The following SCIN variants were observed in gnomAD, a reference collection of about 807,000 sequenced individuals.
The protein encoded by SCIN is adseverin.
Under a neutral mutation model 91.8 loss-of-function variants are expected in SCIN, and 91 were observed. That is an observed-to-expected ratio of 0.99 (90% CI 0.84 to 1.18). SCIN has a LOEUF of 1.18. SCIN is among the 50% of genes most tolerant of loss of function. The probability of loss-of-function intolerance (pLI) is 0.00; values close to 1 mark genes in which losing one functional copy is unlikely to be tolerated. For synonymous variants in SCIN, 367 were observed against 312.6 expected (o/e 1.17, Z -1.84); for missense variants, 1,087 against 863.9 (o/e 1.26, Z -3.24).
intron 3 of SCIN, among the ~76,000 whole-genome samples, chr7:12,598,391 G>A (rs896666939): frequency 2.6e-5 from 4 of 152,086 alleles, no homozygotes; most frequent in African/African-American, 7.2e-5. Flanking sequence ...AATAGAGTAA[G>A]TGTTGGGCCG....
At chr7:12,582,780 T>G (rs1055407341) in intron 3 of SCIN, among the ~76,000 whole-genome samples, 2 of 152,010 alleles carry the variant, frequency 1.3e-5, no homozygotes, top group African/African-American at 4.8e-5. Context: ...AATAAAGAAA[T>G]AAATAACTCG....
intron 2 of SCIN, among the ~76,000 whole-genome samples, chr7:12,580,335 T>A (rs1433115321): frequency 6.6e-6 from 1 of 152,164 alleles, no homozygotes; most frequent in Non-Finnish European, 1.5e-5. Context: ...TATAAGAAGA[T>A]GTAGTTGATA....
chr7:12,633,965 G>GT (rs10707073), intron 9 of SCIN, among the ~76,000 whole-genome samples: 31,575 of 143,062 alleles, frequency 0.22, 3,821 homozygotes, highest in Non-Finnish European at 0.28. Flanking sequence ...TTGTGTGCAT[G>GT]TTTTTTTTTT....
intron 3 of SCIN, among the ~76,000 whole-genome samples, chr7:12,600,891 C>G (rs1274536139): frequency 1.3e-5 from 2 of 152,162 alleles, no homozygotes; most frequent in African/African-American, 4.8e-5. Flanking sequence ...GTTGACTTAT[C>G]ACTGGGAGCC....
chr7:12,592,771 C>T (rs903879066), intron 3 of SCIN, among the ~76,000 whole-genome samples: 3 of 152,080 alleles, frequency 2.0e-5, no homozygotes, highest in South Asian at 2.1e-4. Context: ...GAGATGAGTC[C>T]GTCAACCCCC....
chr7:12,597,293 A>G (rs1043011506), intron 3 of SCIN, among the ~76,000 whole-genome samples: 1 of 152,244 alleles, frequency 6.6e-6, no homozygotes, highest in African/African-American at 2.4e-5. Flanking sequence ...ATATTTGGGT[A>G]ACTAGATCTA....
rs748799177 is a variant in SCIN, at chr7:12,629,101, A to G, written c.1198A>G (p.Ile400Val). ...GTTGTATATATTCCATTCCTTCCAG[A>G]TTTGGCGTGTAGAAAACAATGGTAG... Reference protein sequence around the residue: ...MVDDGSGKVEIWRVENNGRIQ... With the variant: ...MVDDGSGKVEVWRVENNGRIQ... Residue 400 changes from isoleucine (I) to valine (V), a missense_variant and splice_region_variant, in exon 9 of 16, where the codon ATT becomes GTT. Coordinates refer to ENST00000297029, the MANE Select transcript of SCIN (RefSeq NM_001112706.3). 9 of 1,610,574 alleles carry G rather than the reference A, an allele frequency of 5.6e-6. No individual in the cohort carries two copies. The highest frequency in any genetic ancestry group is 6.8e-6 in the Non-Finnish European group (8 of 1,178,230).
chr7:12,616,887 T>G (rs768164262), intron 4 of SCIN, among the ~76,000 whole-genome samples: 1 of 152,138 alleles, frequency 6.6e-6, no homozygotes, highest in Non-Finnish European at 1.5e-5. Flanking sequence ...TCACCTACTC[T>G]TCTGCTGATT....
At chr7:12,612,018 A>G (rs779622917) in intron 4 of SCIN, among the ~76,000 whole-genome samples, 1 of 151,538 alleles carries the variant, frequency 6.6e-6, no homozygotes, top group Non-Finnish European at 1.5e-5. Context: ...TTGCCCTCCT[A>G]TTTTTTTTCA....
chr7:12,594,518 C>T (rs1213944489), intron 3 of SCIN, among the ~76,000 whole-genome samples: 1 of 152,122 alleles, frequency 6.6e-6, no homozygotes, highest in East Asian at 1.9e-4. Flanking sequence ...ATTTTCGGGC[C>T]ATTGGGAGCC....
At chr7:12,617,920 GC>G (rs1397971336) in intron 4 of SCIN, among the ~76,000 whole-genome samples, 5 of 152,090 alleles carry the variant, frequency 3.3e-5, no homozygotes, top group Non-Finnish European at 7.4e-5. Flanking sequence ...CTGGCTTATG[GC>G]TTTTAATGAC....
At chr7:12,637,862 C>G (rs2056617) in intron 10 of SCIN, among the ~76,000 whole-genome samples, 22,793 of 151,872 alleles carry the variant, frequency 0.15, 2,496 homozygotes, top group East Asian at 0.34. Context: ...TATCTAGAGA[C>G]AGATTAAGAT....
intron 3 of SCIN, among the ~76,000 whole-genome samples, chr7:12,602,635 C>T (rs1037435233): frequency 2.6e-5 from 4 of 151,962 alleles, no homozygotes; most frequent in African/African-American, 9.7e-5. Context: ...TATTAATATT[C>T]CTTGCTAGGA....
intron 3 of SCIN, among the ~76,000 whole-genome samples, chr7:12,600,482 C>T (rs1461750890): frequency 6.6e-6 from 1 of 152,020 alleles, no homozygotes; most frequent in Non-Finnish European, 1.5e-5. Context: ...GCCACCTGCT[C>T]CCCAGAAATC....
At chr7:12,623,406 CTA>C (rs1783450017) in intron 5 of SCIN, among the ~76,000 whole-genome samples, 1 of 152,188 alleles carries the variant, frequency 6.6e-6, no homozygotes, top group Admixed American at 6.5e-5. Flanking sequence ...CATATCAGCT[CTA>C]TAGCACATGA....
At chr7:12,610,962 C>G (rs1196091049) in intron 4 of SCIN, 1 of 152,220 alleles carries the variant, frequency 6.6e-6, no homozygotes, top group Non-Finnish European at 1.5e-5. Flanking sequence ...ACGTCCCTCT[C>G]AGGTCAGGTC....
Position 12,651,920 on chromosome 7 carries a change from C to T in SCIN, c.2020+19C>T. 1 of 1,569,402 alleles carries T rather than the reference C, an allele frequency of 6.4e-7. No homozygotes were observed. Among genetic ancestry groups the T allele is most frequent in the Non-Finnish European group, 8.7e-7 (1 of 1,143,880 alleles). ...AAGTCTGGTAAGCTCAATCGATGGACCATTATAGCAGTAACCGGGCACCAT... is the reference window on the plus strand; with the variant it reads ...AAGTCTGGTAAGCTCAATCGATGGATCATTATAGCAGTAACCGGGCACCAT... On this transcript the variant is annotated intron_variant, in intron 15 of 15. Coordinates refer to ENST00000297029, the MANE Select transcript of SCIN (RefSeq NM_001112706.3). This position sits in a 1 kb window ranked among gnomAD's most constrained non-coding sequence, Gnocchi z 5.9.
chr7:12,613,542 G>C (rs1202687372), intron 4 of SCIN, among the ~76,000 whole-genome samples: 5 of 152,024 alleles, frequency 3.3e-5, no homozygotes, highest in African/African-American at 9.7e-5. Flanking sequence ...CTCACATATT[G>C]GAAAGAGGTT....
Position 12,651,778 on chromosome 7 carries a change from T to C in SCIN, c.1960-63T>C, listed in dbSNP as rs1784083663. The C allele has an allele frequency of 3.8e-6, 4 of 1,048,624 alleles. No individual in the cohort carries two copies. Among genetic ancestry groups the C allele is most frequent in the Middle Eastern group, 4.1e-4 (2 of 4,894 alleles). 65.0% of individuals were successfully genotyped at this position (1,048,624 alleles called of 1,614,324 possible). A position where few individuals can be genotyped will look rare whatever the true frequency, so the allele number is the denominator to read the frequency against. ...CAATGTGTGTGTGAAGCACTTTACA[T>C]AGGGCCTAGCACTGAGTCAACATCC... On this transcript the variant is annotated intron_variant, in intron 14 of 15. Transcript: ENST00000297029. The surrounding 1 kb of genome is among the most constrained non-coding windows in gnomAD (Gnocchi z 5.9).
Sources: allele counts gnomAD v4.1 joint callset (sites outside exome capture counted in the v4.1 genomes callset), GRCh38; gene constraint gnomAD v4.1.1; non-coding constraint Gnocchi (gnomAD v3.1); transcripts MANE v1.5; gene names NCBI Gene and HGNC (gene_info 2026-07-23, HGNC 2026-07-21).